The following FYB1 variants were observed in gnomAD, a reference collection of about 807,000 sequenced individuals.
FYB1 encodes the protein FYN binding protein 1, also known as FYN-binding protein 1.
In FYB1, 41 loss-of-function variants were observed where a neutral mutation model predicts 94.1. The observed-to-expected ratio is 0.44, with a 90% CI of 0.34 to 0.57. The LOEUF is 0.57. Ranked by LOEUF, FYB1 falls within the 20% of genes least tolerant of loss-of-function variation. The pLI is 0.02. For missense variants in FYB1, 1,050 were observed against 976.8 expected, an observed-to-expected ratio of 1.07 and a Z score of -1.00; for synonymous variants, 367 against 353.2, an observed-to-expected ratio of 1.04 and a Z score of -0.44.
Position 39,219,327 on chromosome 5 carries a change from C to G in FYB1, c.-28+116G>C, listed in dbSNP as rs559381636. ...CTATTTTCCAACAGAACATGCGTTT[C>G]CTTCAGTTATTCAGCTAGCACAGTC... On this transcript the variant is annotated intron_variant, in intron 1 of 18. Transcript: ENST00000512982. 8.6e-6 allele frequency: 5 copies of G among 580,068 alleles called. No homozygotes were observed. The East Asian group carries it at 7.2e-4, about 83-fold the overall frequency. 35.9% of individuals were successfully genotyped at this position (580,068 alleles called of 1,614,324 possible). A position where few individuals can be genotyped will look rare whatever the true frequency, so the allele number is the denominator to read the frequency against.
At chr5:39,215,411 C>T (rs765027707) in intron 1 of FYB1, among the ~76,000 whole-genome samples, 2 of 151,912 alleles carry the variant, frequency 1.3e-5, no homozygotes, top group African/African-American at 4.8e-5. Flanking sequence ...ATTGCGATGA[C>T]GATGGGGAAA....
chr5:39,267,358 TATCATCATCATCATCATCATCATCATC>T (rs10658182), intron 1 of FYB1, among the ~76,000 whole-genome samples: 5 of 145,208 alleles, frequency 3.4e-5, no homozygotes, highest in African/African-American at 1.0e-4. Context: ...GTGGGATAGC[TATCATCATCATCATCATCATCATCATC>T]ATCATCATCA....
intron 17 of FYB1, 84 bp downstream of exon 17, chr5:39,110,272 T>C (rs1738942534): frequency 1.3e-6 from 1 of 763,370 alleles, no homozygotes; most frequent in Admixed American, 2.7e-5. Context: ...TAGGTTACAT[T>C]ATTTAAGTAA....
At chr5:39,237,508 T>G (rs1385574806) in intron 1 of FYB1, among the ~76,000 whole-genome samples, 2 of 152,060 alleles carry the variant, frequency 1.3e-5, no homozygotes, top group African/African-American at 2.4e-5. Context: ...AATAGAATTT[T>G]TTGCTTACTC....
At chr5:39,250,201 T>C (rs566779297) in intron 1 of FYB1, among the ~76,000 whole-genome samples, 2 of 152,202 alleles carry the variant, frequency 1.3e-5, no homozygotes, top group Admixed American at 1.3e-4. Flanking sequence ...TTTATGGCAG[T>C]GTGAGAATGG....
At chr5:39,250,633 T>A (rs4957168) in intron 1 of FYB1, 1 of 151,862 alleles carries the variant, frequency 6.6e-6, no homozygotes, top group Non-Finnish European at 1.5e-5. Flanking sequence ...CAGGATTACT[T>A]GAAAGCAGAG....
At chr5:39,207,971 A>G (rs1299837042) in intron 1 of FYB1, among the ~76,000 whole-genome samples, 1 of 152,198 alleles carries the variant, frequency 6.6e-6, no homozygotes, top group Non-Finnish European at 1.5e-5. Flanking sequence ...ACCCTGAGCT[A>G]ATTCTATTGC....
intron 1 of FYB1, among the ~76,000 whole-genome samples, chr5:39,260,424 T>G (rs166036): frequency 0.59 from 89,566 of 152,028 alleles, 26,672 homozygotes; most frequent in African/African-American, 0.67. Context: ...TGACTACTGG[T>G]CTCTTTAGAT....
rs1222737784 is a variant in FYB1, at chr5:39,130,573, A to G, written c.1840+17T>C. 1 of 1,563,158 alleles carries G rather than the reference A, an allele frequency of 6.4e-7. No individual in the cohort carries two copies. The highest frequency in any genetic ancestry group is 1.9e-5 in the Admixed American group (1 of 53,766). The stretch of plus-strand genomic sequence containing the variant: ...GTATCAATTGTAAAATGTCATTTTA[A>G]GAAGCGTGTGGCTTACCTCCACTTC... On this transcript the variant is annotated intron_variant, in intron 10 of 18. Coordinates refer to ENST00000512982, the MANE Select transcript of FYB1 (RefSeq NM_001465.6).
chr5:39,226,402 A>T (rs115521429), intron 1 of FYB1, among the ~76,000 whole-genome samples: 120,900 of 151,002 alleles, frequency 0.8, 48,517 homozygotes, highest in East Asian at 0.84. Context: ...AACCTTTAAA[A>T]AAAAAAAAAA....
chr5:39,150,831 CCCTGCTTTGACAATTGTCTA>C, intron 3 of FYB1, among the ~76,000 whole-genome samples: 1 of 152,316 alleles, frequency 6.6e-6, no homozygotes, highest in South Asian at 2.1e-4. Flanking sequence ...TAACAGATTT[CCCTGCTTTGACAATTGTCTA>C]CCTACTGTCT....
At chr5:39,251,860 T>C (rs2150612537) in intron 1 of FYB1, among the ~76,000 whole-genome samples, 1 of 152,168 alleles carries the variant, frequency 6.6e-6, no homozygotes, top group Non-Finnish European at 1.5e-5. Flanking sequence ...AAATAAAATA[T>C]AGGGCCGGGT....
intron 3 of FYB1, among the ~76,000 whole-genome samples, chr5:39,148,160 TATATATA>T (rs1561175461): frequency 1.9e-4 from 1 of 5,202 alleles, no homozygotes. Context: ...ATTTTTTATA[TATATATA>T]TATATATATA....
At chr5:39,228,335 A>T (rs1021024253) in intron 1 of FYB1, among the ~76,000 whole-genome samples, 2 of 152,202 alleles carry the variant, frequency 1.3e-5, no homozygotes, top group African/African-American at 4.8e-5. Flanking sequence ...GAAAGACTTT[A>T]AGCAAAGATG....
intron 3 of FYB1, among the ~76,000 whole-genome samples, chr5:39,144,757 G>A (rs776820631): frequency 7.9e-5 from 12 of 152,094 alleles, no homozygotes; most frequent in Admixed American, 1.3e-4. Flanking sequence ...AGCCAAGATC[G>A]TGCCACTGCA....
chr5:39,168,317 G>A (rs73089200), intron 2 of FYB1, among the ~76,000 whole-genome samples: 13,931 of 152,168 alleles, frequency 0.092, 1,164 homozygotes, highest in East Asian at 0.4. Context: ...CTTTGTTTCT[G>A]TAGTTCATCA....
rs370704700 is a variant in FYB1, at chr5:39,210,905, G to A, written c.-27-7918C>T. On this transcript the variant is annotated intron_variant, in intron 1 of 18. Transcript: ENST00000512982. ...TCTATGTGTTTCTGAGGTTTGTTTT[G>A]CTATATGTTTTTGAGTTCTTGATGT... 3.9e-4 allele frequency among the ~76,000 whole-genome samples: 60 copies of A among 152,184 alleles called. No homozygotes were observed. The South Asian group carries it at 0.012, about 29-fold the overall frequency.
At chr5:39,258,483 C>G (rs1251728345) in intron 1 of FYB1, among the ~76,000 whole-genome samples, 1 of 152,040 alleles carries the variant, frequency 6.6e-6, no homozygotes, top group Middle Eastern at 3.2e-3. Flanking sequence ...GTCTGTGATT[C>G]CAGCTACCTG....
At chr5:39,114,962 G>T (rs1739391692) in intron 16 of FYB1, among the ~76,000 whole-genome samples, 1 of 152,128 alleles carries the variant, frequency 6.6e-6, no homozygotes, top group South Asian at 2.1e-4. Flanking sequence ...GATTTGAGGA[G>T]ACATTAATTG....
Sources: allele counts gnomAD v4.1 joint callset (sites outside exome capture counted in the v4.1 genomes callset), GRCh38; gene constraint gnomAD v4.1.1; transcripts MANE v1.5; gene names NCBI Gene and HGNC (gene_info 2026-07-23, HGNC 2026-07-21).